The following TUBA3C variants were observed in gnomAD, a reference collection of about 807,000 sequenced individuals.
TUBA3C encodes the protein tubulin alpha-3C chain.
Under a neutral mutation model 33.4 loss-of-function variants are expected in TUBA3C, and 23 were observed. The observed-to-expected ratio is 0.69, with a 90% CI of 0.50 to 0.98. The LOEUF (loss-of-function observed/expected upper bound fraction) is 0.98. TUBA3C is among the 50% of genes least tolerant of loss of function. TUBA3C has a pLI of 0.00. For synonymous variants in TUBA3C, 269 were observed against 250.4 expected, an observed-to-expected ratio of 1.07 and a Z score of -0.70; for missense variants, 402 against 616.0, an observed-to-expected ratio of 0.65 and a Z score of 3.68.
At position 19,177,621 on chromosome 13, in the gene TUBA3C, GACA is replaced by G. The variant is rs1869246909; in HGVS notation, c.376-17_376-15del. The G allele has an allele frequency of 1.3e-6, 2 of 1,549,166 alleles. No homozygotes were observed. The highest frequency in any genetic ancestry group is 1.7e-6 in the Non-Finnish European group (2 of 1,149,036). On this transcript the variant is annotated splice_polypyrimidine_tract_variant and intron_variant, in intron 3 of 4. Coordinates refer to ENST00000400113, the MANE Select transcript of TUBA3C (RefSeq NM_006001.3). This position sits in a 1 kb window ranked among gnomAD's most constrained non-coding sequence, Gnocchi z 5.0. ...GCACAGATCCGCCTGAGGGAAACCA[GACA>G]ACATGAATCAATGCCCGTGGAAGCC...
At chr13:19,174,277 C>T (rs1299281928) in intron 4 of TUBA3C, 118 bp from the exon 5 acceptor site, 1 of 1,365,508 alleles carries the variant, frequency 7.3e-7, no homozygotes, top group Non-Finnish European at 9.8e-7. Context: ...CAGTTCACCC[C>T]ACAAATGTCA....
rs1405467386 is a variant in TUBA3C, at chr13:19,177,302, G to A, written c.681C>T (p.Leu227=). The A allele has an allele frequency of 1.9e-6, 3 of 1,614,058 alleles. No homozygotes were observed. The highest frequency in any genetic ancestry group is 2.5e-6 in the Non-Finnish European group (3 of 1,180,034). The change falls in exon 4 of 5, where the codon CTC becomes CTT. Residue 227 remains leucine (L), a synonymous_variant. Coordinates refer to ENST00000400113, the MANE Select transcript of TUBA3C (RefSeq NM_006001.3). This position sits in a 1 kb window ranked among gnomAD's most constrained non-coding sequence, Gnocchi z 5.0. Reference sequence around the variant, plus strand: ...ACACGATCTGCCCAATCAGGCGATTGAGGTTGGTGTACGTGGGACGCTCGA... The same window carrying A: ...ACACGATCTGCCCAATCAGGCGATTAAGGTTGGTGTACGTGGGACGCTCGA... ...LDIERPTYTN[L]NRLIGQIVSS...
At chr13:19,175,513 G>A (rs1428145152) in intron 4 of TUBA3C, among the ~76,000 whole-genome samples, 2 of 152,094 alleles carry the variant, frequency 1.3e-5, no homozygotes, top group Admixed American at 6.5e-5. Flanking sequence ...CGTCTCTGTT[G>A]GGGGAGACCA....
At chr13:19,181,419 G>A (rs143480098) in intron 1 of TUBA3C, among the ~76,000 whole-genome samples, 18 of 152,138 alleles carry the variant, frequency 1.2e-4, no homozygotes, top group Admixed American at 2.6e-4. Flanking sequence ...TTTGGAGACC[G>A]GAAAGCGGGA....
chr13:19,179,710 T>A (rs1209743497), intron 1 of TUBA3C, 147 bp from the exon 2 acceptor site: 28 of 1,233,278 alleles, frequency 2.3e-5, no homozygotes, highest in Non-Finnish European at 2.7e-5. Context: ...GTTAGGTGAC[T>A]GACCCCTTTA....
chr13:19,176,967 C>A lies in TUBA3C; in HGVS notation c.1016G>T (p.Arg339Leu). 6.2e-7 allele frequency: 1 copy of A among 1,613,888 alleles called. No individual in the cohort carries two copies. Among genetic ancestry groups the A allele is most frequent in the African/African-American group, 1.3e-5 (1 of 74,956 alleles). ...GCACCAATCTACAAACTGGATGGTG[C>A]GCTTGGTCTTGATGGTGGCGATGGC... is the stretch of plus-strand genomic sequence containing the variant. ...NAAIATIKTK[R>L]TIQFVDWCPT... The change falls in exon 4 of 5, where the codon CGC (arginine) becomes CTC (leucine). Residue 339 changes from arginine to leucine, a missense_variant. Coordinates refer to ENST00000400113, the MANE Select transcript of TUBA3C (RefSeq NM_006001.3).
chr13:19,181,684 A>G, intron 1 of TUBA3C, 61 bp downstream of exon 1: 1 of 1,599,968 alleles, frequency 6.3e-7, no homozygotes, highest in Admixed American at 1.7e-5. Flanking sequence ...CCACCTCAGG[A>G]GGCCAACTTC....
At chr13:19,178,497 G>A (rs1333181004) in intron 2 of TUBA3C, 103 bp from the exon 3 acceptor site, 1 of 1,478,094 alleles carries the variant, frequency 6.8e-7, no homozygotes, top group Non-Finnish European at 9.1e-7. Flanking sequence ...GCTGTTCAAA[G>A]TACATGACCT....
intron 1 of TUBA3C, among the ~76,000 whole-genome samples, chr13:19,180,531 T>G (rs965623185): frequency 1.3e-5 from 2 of 151,866 alleles, no homozygotes; most frequent in Non-Finnish European, 2.9e-5. Flanking sequence ...AAACAGAGTC[T>G]TGCTCTGTCA....
intron 2 of TUBA3C, 91 bp from the exon 3 acceptor site, chr13:19,178,485 A>G (rs605109): frequency 0.58 from 881,689 of 1,529,704 alleles, 258,789 homozygotes; most frequent in Non-Finnish European, 0.6. Context: ...TACAAAGTAC[A>G]TGCTGTTCAA....
Position 19,173,937 on chromosome 13 carries a change from C to G in TUBA3C, c.1279G>C (p.Ala427Pro), listed in dbSNP as rs769282601. The G allele has an allele frequency of 1.2e-6, 2 of 1,614,120 alleles. No individual in the cohort carries two copies. Among genetic ancestry groups the G allele is most frequent in the Non-Finnish European group, 1.7e-6 (2 of 1,180,038 alleles). Residue 427 changes from alanine to proline, a missense_variant, in exon 5 of 5, where the codon GCT becomes CCT. Physicochemically the swap from Ala to Pro is conservative, Grantham distance 27. Transcript: ENST00000400113. ...ACCTCTTCATAATCCTTCTCCAGAG[C>G]TGCCAGGTCCTCGCGGGCCTCAGAG... Reference protein sequence around the residue: ...EFSEAREDLAALEKDYEEVGV... With the variant: ...EFSEAREDLAPLEKDYEEVGV...
chr13:19,174,257 G>T (rs1686659649), intron 4 of TUBA3C, 98 bp from the exon 5 acceptor site: 1 of 1,464,438 alleles, frequency 6.8e-7, no homozygotes, highest in Non-Finnish European at 9.1e-7. Context: ...TAGGTGAACA[G>T]GAGAATTCTC....
chr13:19,174,098 C>T lies in TUBA3C; in HGVS notation c.1118G>A (p.Arg373Gln), dbSNP rs752908038. Residue 373 changes from arginine to glutamine, a missense_variant, in exon 5 of 5, where the codon CGG (arginine) becomes CAG (glutamine). Physicochemically the swap from Arg to Gln is conservative, Grantham distance 43. Transcript: ENST00000400113. ...GGTGTTGCTCAGCATGCACACAGCC[C>T]GCTGCACCTTGGCCAGGTCTCCCCC... Reference protein sequence around the residue: ...VPGGDLAKVQRAVCMLSNTTA... With the variant: ...VPGGDLAKVQQAVCMLSNTTA... 2.2e-5 allele frequency: 36 copies of T among 1,614,036 alleles called. 1 individual carries two copies. The South Asian group carries it at 3.5e-4, about 16-fold the overall frequency.
rs1869249071 is a variant in TUBA3C, at chr13:19,177,664, C to T, written c.376-57G>A. Reference sequence around the variant, plus strand: ...CCGTGGAAGCCACACCACCAACCTCCACCAAGCCAGGGCCACTTCTCTGCC... The same window carrying T: ...CCGTGGAAGCCACACCACCAACCTCTACCAAGCCAGGGCCACTTCTCTGCC... On this transcript the variant is annotated intron_variant, in intron 3 of 4. Coordinates refer to ENST00000400113, the MANE Select transcript of TUBA3C (RefSeq NM_006001.3). This position sits in a 1 kb window ranked among gnomAD's most constrained non-coding sequence, Gnocchi z 5.0. The T allele has an allele frequency of 6.6e-7, 1 of 1,522,780 alleles. No individual in the cohort carries two copies. Among genetic ancestry groups the T allele is most frequent in the South Asian group, 1.3e-5 (1 of 74,820 alleles). 94.3% of individuals were successfully genotyped at this position (1,522,780 alleles called of 1,614,324 possible).
At chr13:19,174,241 A>C (rs1593259744) in intron 4 of TUBA3C, 82 bp from the exon 5 acceptor site, 2 of 1,502,340 alleles carry the variant, frequency 1.3e-6, no homozygotes, top group Non-Finnish European at 8.9e-7. Flanking sequence ...AAAAGAAGAC[A>C]CCCTGTAGGT....
rs748945233 is a variant in TUBA3C at position 19,177,516 on chromosome 13, C to T, written c.467G>A (p.Arg156Gln). The stretch of plus-strand genomic sequence containing the variant: ...CTTCTTGCCGTAATCCACTGAGAGC[C>T]GCTCCATGAGCAGAGATGCGAACCC... ...GSGFASLLME[R>Q]LSVDYGKKSK... The change falls in exon 4 of 5, where the codon CGG becomes CAG. Residue 156 changes from arginine to glutamine, a missense_variant. Transcript: ENST00000400113. This position sits in a 1 kb window ranked among gnomAD's most constrained non-coding sequence, Gnocchi z 5.0. 15 of 1,613,864 alleles carry T rather than the reference C, an allele frequency of 9.3e-6. No homozygotes were observed. The highest frequency in any genetic ancestry group is 5.0e-5 in the Admixed American group (3 of 59,994).
At chr13:19,176,741 A>AAAAAAAAAAAC (rs1869193511) in intron 4 of TUBA3C, among the ~76,000 whole-genome samples, 186 bp downstream of exon 4, 1 of 127,306 alleles carries the variant, frequency 7.9e-6, no homozygotes, top group African/African-American at 3.7e-5. Flanking sequence ...AAAAAAAAAA[A>AAAAAAAAAAAC]AAAAAAAAAA....
intron 4 of TUBA3C, among the ~76,000 whole-genome samples, chr13:19,175,808 A>T (rs937037459): frequency 6.6e-6 from 1 of 151,864 alleles, no homozygotes; most frequent in Non-Finnish European, 1.5e-5. Context: ...CAGTGGAGTG[A>T]TATCTTCTCA....
At chr13:19,179,621 G>A in intron 1 of TUBA3C, 58 bp from the exon 2 acceptor site, 3 of 1,558,734 alleles carry the variant, frequency 1.9e-6, no homozygotes, top group African/African-American at 1.4e-5. Context: ...GAAGCTATAT[G>A]GTATGCAAAA....
Sources: gnomAD v4.1 joint callset for allele counts (sites outside exome capture counted in the v4.1 genomes callset) on GRCh38, gnomAD v4.1.1 for gene constraint, Gnocchi (gnomAD v3.1) non-coding constraint, MANE v1.5 for transcripts, NCBI Gene and HGNC (gene_info 2026-07-23, HGNC 2026-07-21) for gene names.